The following GRID1 variants were observed in gnomAD, a reference collection of about 807,000 sequenced individuals.
GRID1 encodes glutamate receptor ionotropic, delta-1.
Under a neutral mutation model 98.0 loss-of-function variants are expected in GRID1, and 28 were observed. The ratio of observed to expected loss-of-function variants is 0.29; its 90% CI spans 0.21 to 0.39. The LOEUF (loss-of-function observed/expected upper bound fraction) is 0.39. Among genes scored for constraint, GRID1 ranks in the 10% least tolerant of loss-of-function variants. GRID1 has a pLI of 1.00. For synonymous variants in GRID1, 553 were observed against 538.5 expected (o/e 1.03, Z -0.37); for missense variants, 1,111 against 1,340.5 (o/e 0.83, Z 2.67).
intron 5 of GRID1, among the ~76,000 whole-genome samples, chr10:85,874,882 T>TATTG (rs1189470715): frequency 2.0e-5 from 3 of 152,204 alleles, no homozygotes; most frequent in Non-Finnish European, 4.4e-5. Flanking sequence ...TTTATTTATT[T>TATTG]TGAGACAGAG....
chr10:85,889,205 G>A (rs139149177), intron 5 of GRID1, among the ~76,000 whole-genome samples: 2 of 152,284 alleles, frequency 1.3e-5, no homozygotes, highest in East Asian at 1.9e-4. Flanking sequence ...TCCAGGTAAC[G>A]GGTTTCAGCA....
At chr10:86,253,409 G>A (rs902472540) in intron 2 of GRID1, among the ~76,000 whole-genome samples, 2 of 152,356 alleles carry the variant, frequency 1.3e-5, no homozygotes, top group South Asian at 2.1e-4. Context: ...GCATTGAAAT[G>A]TGCCTCCTGA....
intron 2 of GRID1, among the ~76,000 whole-genome samples, chr10:86,223,747 G>A (rs1846296058): frequency 1.3e-5 from 2 of 152,258 alleles, no homozygotes; most frequent in African/African-American, 4.8e-5. Flanking sequence ...AGTGACTGAG[G>A]TAGCACAGAC....
chr10:85,734,288 T>G (rs918580562), intron 8 of GRID1, among the ~76,000 whole-genome samples: 1 of 152,096 alleles, frequency 6.6e-6, no homozygotes, highest in African/African-American at 2.4e-5. Context: ...CCCAGATCCA[T>G]GAAGATAAGC....
At chr10:86,265,885 C>T (rs1156863329) in intron 2 of GRID1, among the ~76,000 whole-genome samples, 1 of 152,154 alleles carries the variant, frequency 6.6e-6, no homozygotes, top group Non-Finnish European at 1.5e-5. Flanking sequence ...TCTGCAAAGT[C>T]GCTGATCAGC....
intron 4 of GRID1, among the ~76,000 whole-genome samples, chr10:85,950,323 T>G (rs1842104447): frequency 6.6e-6 from 1 of 151,972 alleles, no homozygotes; most frequent in Non-Finnish European, 1.5e-5. Context: ...GGAAATGGAG[T>G]GGCAAGAACA....
chr10:85,895,058 C>T (rs1841271815), intron 5 of GRID1, among the ~76,000 whole-genome samples: 1 of 146,292 alleles, frequency 6.8e-6, no homozygotes, highest in African/African-American at 2.5e-5. Context: ...ATAACTCACC[C>T]TGCACAGAAC....
intron 3 of GRID1, among the ~76,000 whole-genome samples, chr10:86,197,449 G>A (rs1845892438): frequency 6.6e-6 from 1 of 152,098 alleles, no homozygotes; most frequent in Non-Finnish European, 1.5e-5. Context: ...ACCCTTCCTG[G>A]AATTCTAGTA....
chr10:85,655,734 G>A (rs1374572870), intron 12 of GRID1, among the ~76,000 whole-genome samples: 1 of 152,168 alleles, frequency 6.6e-6, no homozygotes, highest in Non-Finnish European at 1.5e-5. Context: ...CATCAGTGGA[G>A]AACTTTGCTT....
intron 4 of GRID1, among the ~76,000 whole-genome samples, chr10:86,069,647 C>T (rs1016743415): frequency 1.3e-5 from 2 of 152,046 alleles, no homozygotes; most frequent in Admixed American, 1.3e-4. Context: ...GACTCCGTCT[C>T]TAAATAAATA....
At position 85,765,298 on chromosome 10, in the gene GRID1, C is replaced by T. The variant is rs143725644; in HGVS notation, c.1234-35684G>A. ...GCATCCAGAGGGAGATTTAGCTGCA[C>T]GGGCTGGCTTAGGCCTCAAGACCCT... On this transcript the variant is annotated intron_variant, in intron 8 of 15. Coordinates refer to ENST00000327946, the MANE Select transcript of GRID1 (RefSeq NM_017551.3). Among the ~76,000 whole-genome samples the T allele has an allele frequency of 2.2e-4, 34 of 152,276 alleles. 1 individual carries two copies. Among genetic ancestry groups the T allele is most frequent in the Admixed American group, 6.5e-4 (10 of 15,300 alleles).
chr10:85,765,486 G>A (rs12257221), intron 8 of GRID1, among the ~76,000 whole-genome samples: 3,492 of 152,234 alleles, frequency 0.023, 130 homozygotes, highest in African/African-American at 0.08. Flanking sequence ...TTTGAGCATT[G>A]ACATGACACA....
At chr10:85,767,956 T>C (rs924264168) in intron 8 of GRID1, among the ~76,000 whole-genome samples, 1 of 152,212 alleles carries the variant, frequency 6.6e-6, no homozygotes, top group African/African-American at 2.4e-5. Context: ...AAAAAAATCC[T>C]GTTGACAAGG....
intron 5 of GRID1, among the ~76,000 whole-genome samples, chr10:85,899,857 G>A (rs1178919981): frequency 6.6e-6 from 1 of 152,220 alleles, no homozygotes; most frequent in Non-Finnish European, 1.5e-5. Flanking sequence ...CTCAGTAGCT[G>A]ACAAGCTGGC....
chr10:85,951,244 T>C (rs1258612845), intron 4 of GRID1, among the ~76,000 whole-genome samples: 2 of 152,214 alleles, frequency 1.3e-5, no homozygotes. Flanking sequence ...GATTTTTGTC[T>C]GGCATATAGT....
At chr10:86,187,040 C>G (rs760550402) in intron 3 of GRID1, among the ~76,000 whole-genome samples, 10 of 152,200 alleles carry the variant, frequency 6.6e-5, no homozygotes, top group Non-Finnish European at 1.5e-4. Context: ...CAAGGAAAGG[C>G]AGCCCCAAAT....
intron 2 of GRID1, among the ~76,000 whole-genome samples, chr10:86,336,794 C>T (rs1197530658): frequency 6.6e-6 from 1 of 152,012 alleles, no homozygotes; most frequent in Non-Finnish European, 1.5e-5. Context: ...GTCGCCCACT[C>T]ATCTGTAGGC....
intron 2 of GRID1, among the ~76,000 whole-genome samples, chr10:86,226,992 C>A (rs35990128): frequency 6.6e-6 from 1 of 152,164 alleles, no homozygotes; most frequent in Non-Finnish European, 1.5e-5. Context: ...TTATCCTTCA[C>A]TACATTATCA....
intron 13 of GRID1, among the ~76,000 whole-genome samples, chr10:85,635,929 G>A (rs1479853621): frequency 2.0e-5 from 3 of 152,198 alleles, no homozygotes; most frequent in Non-Finnish European, 4.4e-5. Context: ...ACGGGGTAAC[G>A]ACAAGGGCGC....
Sources: gnomAD v4.1 joint callset for allele counts (sites outside exome capture counted in the v4.1 genomes callset) on GRCh38, gnomAD v4.1.1 for gene constraint, MANE v1.5 for transcripts, NCBI Gene and HGNC (gene_info 2026-07-23, HGNC 2026-07-21) for gene names.